The following COPG2 variants were observed in gnomAD, a reference collection of about 807,000 sequenced individuals.
COPG2 encodes coat protein complex I subunit gamma 2.
A neutral mutation model predicts 46.3 loss-of-function variants in COPG2; 37 were observed. The ratio of observed to expected loss-of-function variants is 0.80; its 90% CI spans 0.61 to 1.05. The LOEUF (loss-of-function observed/expected upper bound fraction) is 1.05, where lower values mean the gene tolerates loss of function less well. Ranked by LOEUF, COPG2 falls within the 50% of genes least tolerant of loss-of-function variation. COPG2 has a pLI of 0.00. For missense variants in COPG2, 427 were observed against 387.8 expected, an observed-to-expected ratio of 1.10 and a Z score of -0.85; for synonymous variants, 159 against 129.7, an observed-to-expected ratio of 1.23 and a Z score of -1.53.
intron 20 of COPG2, among the ~76,000 whole-genome samples, chr7:130,514,999 G>T (rs1274262724): frequency 6.6e-6 from 1 of 152,148 alleles, no homozygotes; most frequent in Non-Finnish European, 1.5e-5. Flanking sequence ...GCCTTAGTGG[G>T]AGATTTTTAA....
intron 9 of COPG2, among the ~76,000 whole-genome samples, chr7:130,601,653 C>G (rs782184833): frequency 3.5e-4 from 53 of 152,096 alleles, no homozygotes; most frequent in Non-Finnish European, 4.7e-4. Context: ...CATCACACAC[C>G]GGGGCCTGTC....
At chr7:130,530,240 G>A (rs1348127596) in intron 20 of COPG2, among the ~76,000 whole-genome samples, 3 of 152,136 alleles carry the variant, frequency 2.0e-5, no homozygotes, top group African/African-American at 7.2e-5. Context: ...CAGATGGGCA[G>A]GCACGATGGC....
chr7:130,649,402 A>G (rs1034989315), intron 5 of COPG2, among the ~76,000 whole-genome samples: 7 of 152,138 alleles, frequency 4.6e-5, no homozygotes, highest in Admixed American at 2.6e-4. Context: ...CAATTTTACT[A>G]TTAGTGGCAA....
At chr7:130,569,577 CAAA>C (rs1206123087) in intron 9 of COPG2, among the ~76,000 whole-genome samples, 4 of 151,070 alleles carry the variant, frequency 2.6e-5, no homozygotes, top group Non-Finnish European at 5.9e-5. Context: ...AAGTTTCCAA[CAAA>C]AAAAAGTCCA....
chr7:130,529,538 C>T (rs982864306), intron 20 of COPG2, among the ~76,000 whole-genome samples: 6 of 152,112 alleles, frequency 3.9e-5, no homozygotes, highest in Non-Finnish European at 8.8e-5. Flanking sequence ...TTCAGAGTCC[C>T]AAACTGAGGT....
chr7:130,543,703 T>C (rs1584968285), intron 20 of COPG2, among the ~76,000 whole-genome samples: 2 of 152,276 alleles, frequency 1.3e-5, no homozygotes. Flanking sequence ...GCGTTACCAA[T>C]AGAGCAGGGT....
At chr7:130,624,249 G>T (rs913755571) in intron 5 of COPG2, among the ~76,000 whole-genome samples, 6 of 152,058 alleles carry the variant, frequency 3.9e-5, no homozygotes, top group African/African-American at 1.4e-4. Context: ...TACTTGGGGG[G>T]ACACAAACAT....
intron 5 of COPG2, among the ~76,000 whole-genome samples, chr7:130,640,088 C>A (rs1009997073): frequency 9.5e-5 from 14 of 147,450 alleles, no homozygotes; most frequent in African/African-American, 3.0e-4. Flanking sequence ...GGAAAGAAAA[C>A]AAGAAAAACA....
Position 130,605,364 on chromosome 7 carries a change from T to C in COPG2, c.737+5589A>G, listed in dbSNP as rs369553148. ...CTGATGAATATGTTACGTTACAACA[T>C]GGCAAAGGAACTGTGCTGATATAAT... On this transcript the variant is annotated intron_variant, in intron 9 of 23. Coordinates refer to ENST00000425248, the MANE Select transcript of COPG2 (RefSeq NM_012133.6). The C allele has an allele frequency of 1.9e-4, 91 of 475,136 alleles. 1 individual carries two copies. The highest frequency in any genetic ancestry group is 9.7e-4 in the African/African-American group (49 of 50,356). The allele number at this position is 475,136 out of a possible 1,614,324, so 29.4% of individuals were successfully genotyped here.
At chr7:130,668,539 G>A in intron 1 of COPG2, 93 bp downstream of exon 1, 2 of 1,210,886 alleles carry the variant, frequency 1.7e-6, no homozygotes, top group South Asian at 1.9e-5. Context: ...CGGCGCCCAC[G>A]CCCCCAGCCC....
intron 9 of COPG2, among the ~76,000 whole-genome samples, chr7:130,598,969 G>A (rs927546743): frequency 1.3e-5 from 2 of 152,076 alleles, no homozygotes; most frequent in Middle Eastern, 3.2e-3. Flanking sequence ...AAAGTTCCAC[G>A]TCAAAATGAT....
intron 20 of COPG2, among the ~76,000 whole-genome samples, chr7:130,520,993 T>G (rs1799718984): frequency 1.3e-5 from 2 of 152,214 alleles, no homozygotes; most frequent in African/African-American, 4.8e-5. Context: ...CTTAAAAGTT[T>G]TCTTTTATCA....
intron 5 of COPG2, among the ~76,000 whole-genome samples, chr7:130,618,687 TC>T (rs1475019300): frequency 6.6e-6 from 1 of 152,170 alleles, no homozygotes; most frequent in Non-Finnish European, 1.5e-5. Flanking sequence ...ATTATTCATA[TC>T]TTTTTTACCC....
chr7:130,537,800 TGGA>T (rs1272893786), intron 20 of COPG2, among the ~76,000 whole-genome samples: 5 of 152,070 alleles, frequency 3.3e-5, no homozygotes, highest in African/African-American at 1.2e-4. Context: ...ATGCAGGTCA[TGGA>T]GGAGAAAGCA....
chr7:130,534,061 C>G (rs1279028817), intron 20 of COPG2, among the ~76,000 whole-genome samples: 2 of 151,886 alleles, frequency 1.3e-5, no homozygotes, highest in Non-Finnish European at 2.9e-5. Flanking sequence ...AAAGAATTCC[C>G]AAAATGGGGG....
In COPG2 at chr7:130,612,166, TA is replaced by T; in HGVS notation, c.564del (p.Asp188GlufsTer28). 3 of 1,609,626 alleles carry T rather than the reference TA, an allele frequency of 1.9e-6. No homozygotes were observed. The highest frequency in any genetic ancestry group is 2.5e-6 in the Non-Finnish European group (3 of 1,176,908). On this transcript the variant is annotated frameshift_variant, in exon 8 of 24. Transcript: ENST00000425248. LOFTEE classifies it high-confidence loss of function. ...AATGACAATACCTGGACCATAATATTATCACTTGATGCAGCTTCTTGGGCTT... is the reference window on the plus strand; with the variant it reads ...AATGACAATACCTGGACCATAATATTTCACTTGATGCAGCTTCTTGGGCTT... ...INEAQEAASS[D>X]NIMVQYHALG... is the part of the protein sequence containing the mutation.
intron 5 of COPG2, among the ~76,000 whole-genome samples, chr7:130,647,539 G>A (rs797031530): frequency 7.2e-5 from 11 of 151,906 alleles, no homozygotes; most frequent in African/African-American, 2.2e-4. Flanking sequence ...TCACAGGGCA[G>A]GTATATAATT....
intron 5 of COPG2, among the ~76,000 whole-genome samples, chr7:130,650,089 C>G (rs781959678): frequency 3.9e-5 from 6 of 152,128 alleles, no homozygotes; most frequent in Non-Finnish European, 7.4e-5. Context: ...TCATGGCCCT[C>G]TTCCCCCATC....
chr7:130,640,879 G>C (rs1554457112), intron 5 of COPG2, among the ~76,000 whole-genome samples: 1 of 152,060 alleles, frequency 6.6e-6, no homozygotes, highest in Non-Finnish European at 1.5e-5. Context: ...CACTTTTATT[G>C]CATGTCTAAT....
Sources: gnomAD v4.1 joint callset for allele counts (sites outside exome capture counted in the v4.1 genomes callset) on GRCh38, gnomAD v4.1.1 for gene constraint, MANE v1.5 for transcripts, NCBI Gene and HGNC (gene_info 2026-07-23, HGNC 2026-07-21) for gene names.